CADPS2: variants seen among roughly 807,000 people sequenced by gnomAD.
CADPS2 encodes calcium dependent secretion activator 2.
In CADPS2, 93 loss-of-function variants were observed where a neutral mutation model predicts 172.5. The ratio of observed to expected loss-of-function variants is 0.54; its 90% confidence interval spans 0.46 to 0.64. CADPS2 has a LOEUF of 0.64. Ranked by LOEUF, CADPS2 falls within the 30% of genes least tolerant of loss-of-function variation. The pLI is 0.00. For missense variants in CADPS2, 1,420 were observed against 1,565.9 expected, an observed-to-expected ratio of 0.91 and a Z score of 1.57; for synonymous variants, 546 against 555.2, an observed-to-expected ratio of 0.98 and a Z score of 0.23.
Position 122,393,582 on chromosome 7 carries a change from G to A in CADPS2, c.2747C>T (p.Thr916Ile). The A allele has an allele frequency of 1.9e-6, 3 of 1,613,700 alleles. No homozygotes were observed. The highest frequency in any genetic ancestry group is 1.7e-6 in the Non-Finnish European group (2 of 1,179,758). The part of the protein sequence containing the change: ...QLLNNFLRND[T>I]LLCNGKFHKH... ...GTGAAATTTTCCATTACACAAAAGT[G>A]CTGAAATAGCCAAGCAGAAACAGTG... The change falls in exon 21 of 30, where the codon ACA (threonine) becomes ATA (isoleucine). Residue 916 changes from threonine (T) to isoleucine (I), a missense_variant and splice_region_variant. Transcript: ENST00000449022.
intron 6 of CADPS2, among the ~76,000 whole-genome samples, chr7:122,598,962 G>A (rs2072328899): frequency 6.6e-6 from 1 of 152,038 alleles, no homozygotes. Context: ...GAAGCCCTCT[G>A]GGGAAGGAGG....
At chr7:122,807,573 A>T (rs1799057588) in intron 1 of CADPS2, among the ~76,000 whole-genome samples, 1 of 152,188 alleles carries the variant, frequency 6.6e-6, no homozygotes, top group African/African-American at 2.4e-5. Context: ...GGTTGCTATT[A>T]ATATAACAAA....
chr7:122,630,948 G>A (rs777478264), intron 3 of CADPS2, among the ~76,000 whole-genome samples: 15 of 152,044 alleles, frequency 9.9e-5, no homozygotes, highest in Non-Finnish European at 1.5e-4. Context: ...AATTTTAATT[G>A]ATTAATATGA....
At chr7:122,777,668 T>G (rs1244900199) in intron 1 of CADPS2, among the ~76,000 whole-genome samples, 1 of 152,080 alleles carries the variant, frequency 6.6e-6, no homozygotes, top group Non-Finnish European at 1.5e-5. Context: ...TCATGAGATC[T>G]GATGGTTTTA....
intron 9 of CADPS2, among the ~76,000 whole-genome samples, chr7:122,499,985 G>A (rs1225520254): frequency 5.3e-5 from 8 of 152,146 alleles, no homozygotes; most frequent in Non-Finnish European, 2.9e-5. Context: ...TGCCTTCCCT[G>A]CCTGGCTCAC....
chr7:122,885,681 G>A (rs946636557), intron 1 of CADPS2, among the ~76,000 whole-genome samples: 2 of 152,158 alleles, frequency 1.3e-5, no homozygotes, highest in African/African-American at 4.8e-5. Flanking sequence ...GTTGATGGGA[G>A]TTGCATTCTA....
chr7:122,682,937 C>T (rs1039791284), intron 2 of CADPS2, among the ~76,000 whole-genome samples: 11 of 152,192 alleles, frequency 7.2e-5, no homozygotes, highest in African/African-American at 2.7e-4. Flanking sequence ...TGCAAGCAAG[C>T]AATTGTAGAG....
chr7:122,581,616 C>G (rs2068829928), intron 6 of CADPS2, among the ~76,000 whole-genome samples: 1 of 152,050 alleles, frequency 6.6e-6, no homozygotes, highest in Non-Finnish European at 1.5e-5. Flanking sequence ...AATTATAGCA[C>G]CATTTTTACT....
intron 3 of CADPS2, among the ~76,000 whole-genome samples, chr7:122,638,521 C>T (rs913928334): frequency 5.9e-5 from 9 of 152,170 alleles, no homozygotes; most frequent in Non-Finnish European, 8.8e-5. Flanking sequence ...TCTCCAGCAC[C>T]ATGACTGCAG....
chr7:122,475,689 T>A (rs774935874), intron 12 of CADPS2, among the ~76,000 whole-genome samples: 22 of 152,282 alleles, frequency 1.4e-4, no homozygotes, highest in Non-Finnish European at 3.2e-4. Context: ...TATTTGTAGA[T>A]GGAAGAACTA....
intron 1 of CADPS2, among the ~76,000 whole-genome samples, chr7:122,871,519 G>C (rs1319723235): frequency 1.3e-5 from 2 of 151,688 alleles, no homozygotes; most frequent in Non-Finnish European, 2.9e-5. Context: ...AAGCTTAACT[G>C]TTGAGCAGCA....
chr7:122,743,861 A>C (rs943735481), intron 1 of CADPS2, among the ~76,000 whole-genome samples: 1 of 152,158 alleles, frequency 6.6e-6, no homozygotes, highest in Admixed American at 6.6e-5. Flanking sequence ...TTGAAATAAC[A>C]ATGCATCCCA....
intron 25 of CADPS2, among the ~76,000 whole-genome samples, chr7:122,377,023 A>T (rs186492190): frequency 6.6e-6 from 1 of 152,194 alleles, no homozygotes; most frequent in Non-Finnish European, 1.5e-5. Context: ...CTTATTTTAT[A>T]CTTTTCAACC....
intron 17 of CADPS2, among the ~76,000 whole-genome samples, chr7:122,435,634 T>C (rs1270849757): frequency 6.6e-6 from 1 of 152,090 alleles, no homozygotes; most frequent in Admixed American, 6.6e-5. Context: ...AAATAAAATA[T>C]GGAACTCCAA....
intron 1 of CADPS2, among the ~76,000 whole-genome samples, chr7:122,867,753 C>T (rs1818685972): frequency 6.6e-6 from 1 of 152,140 alleles, no homozygotes; most frequent in Non-Finnish European, 1.5e-5. Context: ...ACTCCCTTTG[C>T]CCCAGGGACA....
chr7:122,876,436 A>T (rs1821229892), intron 1 of CADPS2, among the ~76,000 whole-genome samples: 1 of 152,134 alleles, frequency 6.6e-6, no homozygotes. Context: ...ATCACAGATC[A>T]TTGTAGCCTT....
At chr7:122,361,145 A>C (rs1238963549) in intron 25 of CADPS2, 132 bp from the exon 26 acceptor site, 2 of 687,362 alleles carry the variant, frequency 2.9e-6, no homozygotes, top group Non-Finnish European at 5.0e-6. Context: ...CTGAGGTCAG[A>C]CTAACTTGTG....
intron 6 of CADPS2, among the ~76,000 whole-genome samples, chr7:122,593,360 C>G (rs1369207611): frequency 1.3e-5 from 2 of 151,874 alleles, no homozygotes; most frequent in Non-Finnish European, 2.9e-5. Flanking sequence ...TTACCTGAGC[C>G]CTCGCCCACA....
Position 122,868,310 on chromosome 7 carries a change from C to A in CADPS2, c.339+17689G>T, listed in dbSNP as rs562125050. ...CCCAGGTTAAAAGTGAGCACTCTGACCAAGAGTACAAGATTCTTCCTCAGA... is the reference window on the plus strand; with the variant it reads ...CCCAGGTTAAAAGTGAGCACTCTGAACAAGAGTACAAGATTCTTCCTCAGA... On this transcript the variant is annotated intron_variant, in intron 1 of 29. Coordinates refer to ENST00000449022, the MANE Select transcript of CADPS2 (RefSeq NM_017954.11). Among the ~76,000 whole-genome samples, 4 of 152,142 alleles carry A rather than the reference C, an allele frequency of 2.6e-5. No homozygotes were observed. In the East Asian group the frequency reaches 7.8e-4, roughly 30 times the overall value.
Sources: allele counts gnomAD v4.1 joint callset (sites outside exome capture counted in the v4.1 genomes callset), GRCh38; gene constraint gnomAD v4.1.1; transcripts MANE v1.5; gene names NCBI Gene and HGNC (gene_info 2026-07-23, HGNC 2026-07-21).